The following GSAP variants were observed in gnomAD, a reference collection of about 807,000 sequenced individuals.
GSAP encodes the protein gamma-secretase activating protein, also known as gamma-secretase-activating protein.
In GSAP, 118 loss-of-function variants were observed where a neutral mutation model predicts 131.7. That is an observed-to-expected ratio of 0.90 (90% confidence interval 0.77 to 1.04). GSAP has a LOEUF of 1.04. Ranked by LOEUF, GSAP falls within the 50% of genes least tolerant of loss-of-function variation. GSAP has a pLI of 0.00. For missense variants in GSAP, 1,019 were observed against 1,013.2 expected, an observed-to-expected ratio of 1.01 and a Z score of -0.08; for synonymous variants, 381 against 363.4, an observed-to-expected ratio of 1.05 and a Z score of -0.55.
intron 19 of GSAP, among the ~76,000 whole-genome samples, chr7:77,348,966 GC>G (rs1792334853): frequency 6.6e-6 from 1 of 152,220 alleles, no homozygotes; most frequent in Non-Finnish European, 1.5e-5. Context: ...ACGTGCACGT[GC>G]GCAAGCTCAT....
At chr7:77,351,440 T>C (rs972906741) in intron 18 of GSAP, 62 of 975,628 alleles carry the variant, frequency 6.4e-5, no homozygotes, top group Non-Finnish European at 7.2e-5. Context: ...ATTAAGAACA[T>C]TTGCAGATAA....
chr7:77,315,217 T>G (rs1358887241), intron 26 of GSAP: 1 of 152,166 alleles, frequency 6.6e-6, no homozygotes, highest in Non-Finnish European at 1.5e-5. Flanking sequence ...CAGATGCAAT[T>G]CCTATCAGTG....
intron 14 of GSAP, among the ~76,000 whole-genome samples, chr7:77,358,006 A>G (rs1794004861): frequency 6.6e-6 from 1 of 152,222 alleles, no homozygotes. Flanking sequence ...ATAAACATAT[A>G]CAATTACTAT....
chr7:77,356,112 T>C (rs1793685088), intron 14 of GSAP, among the ~76,000 whole-genome samples: 1 of 151,984 alleles, frequency 6.6e-6, no homozygotes, highest in Non-Finnish European at 1.5e-5. Flanking sequence ...GCTTGAGCAA[T>C]CCTCCTGCCT....
intron 1 of GSAP, among the ~76,000 whole-genome samples, chr7:77,410,319 A>C (rs999120548): frequency 6.6e-6 from 1 of 152,212 alleles, no homozygotes; most frequent in Non-Finnish European, 1.5e-5. Context: ...GTCTCACCAC[A>C]TACTATTAAG....
intron 12 of GSAP, among the ~76,000 whole-genome samples, chr7:77,365,423 T>G (rs558623305): frequency 6.6e-6 from 1 of 152,266 alleles, no homozygotes; most frequent in African/African-American, 2.4e-5. Flanking sequence ...TGTCTGTTGT[T>G]CCCTTGTGTT....
At chr7:77,416,538 C>T (rs1804504072), upstream of GSAP, 6 of 393,996 alleles carry the variant, frequency 1.5e-5, no homozygotes, top group Non-Finnish European at 2.7e-5. Flanking sequence ...GAGCCGGGCA[C>T]GGCGGGTAGC....
In GSAP at chr7:77,311,851, G is replaced by C; in HGVS notation, c.2463C>G (p.Ser821=). The C allele has an allele frequency of 6.7e-7, 1 of 1,500,968 alleles. No homozygotes were observed. Among genetic ancestry groups the C allele is most frequent in the Non-Finnish European group, 9.3e-7 (1 of 1,076,894 alleles). The allele number at this position is 1,500,968 out of a possible 1,614,324, so 93.0% of individuals were successfully genotyped here. ...YFIEILTDIE[S]SNQALYPFEG... ...AGGGGAGTAAATTACCTTGATTGGAGGACTCTATATCTGTCAGAATTTCAA... is the reference window on the plus strand; with the variant it reads ...AGGGGAGTAAATTACCTTGATTGGACGACTCTATATCTGTCAGAATTTCAA... Residue 821 remains serine, a synonymous_variant, in exon 30 of 31, where the codon TCC becomes TCG. Transcript: ENST00000257626.
At chr7:77,391,612 C>T (rs1167028401) in intron 5 of GSAP, among the ~76,000 whole-genome samples, 1 of 151,960 alleles carries the variant, frequency 6.6e-6, no homozygotes, top group African/African-American at 2.4e-5. Context: ...TCATTTGAGG[C>T]CAGGAATTTG....
chr7:77,374,219 G>T, intron 11 of GSAP, 64 bp from the exon 12 acceptor site: 2 of 796,260 alleles, frequency 2.5e-6, no homozygotes, highest in Non-Finnish European at 4.3e-6. Context: ...CATAAAGGAT[G>T]TGAGTAACCA....
At chr7:77,372,780 TA>T (rs1230845561) in intron 12 of GSAP, among the ~76,000 whole-genome samples, 5 of 152,236 alleles carry the variant, frequency 3.3e-5, no homozygotes, top group African/African-American at 1.2e-4. Context: ...ACTCTTAGGA[TA>T]AAGTCTAAAA....
At chr7:77,346,855 A>G (rs2150804079) in intron 19 of GSAP, among the ~76,000 whole-genome samples, 2 of 134,436 alleles carry the variant, frequency 1.5e-5, no homozygotes, top group East Asian at 4.4e-4. Context: ...CTTCGGGACC[A>G]GGACTAGTCT....
chr7:77,341,812 G>A (rs985718253), intron 19 of GSAP, among the ~76,000 whole-genome samples: 1 of 152,168 alleles, frequency 6.6e-6, no homozygotes, highest in Non-Finnish European at 1.5e-5. Context: ...CAATAATAGA[G>A]TAGAGGCAGC....
chr7:77,348,979 T>A (rs971687370), intron 19 of GSAP, among the ~76,000 whole-genome samples: 4 of 152,222 alleles, frequency 2.6e-5, no homozygotes, highest in African/African-American at 4.8e-5. Flanking sequence ...CAAGCTCATT[T>A]TGAGGGAGTA....
intron 16 of GSAP, among the ~76,000 whole-genome samples, chr7:77,354,021 T>G (rs1793294545): frequency 6.6e-6 from 1 of 152,238 alleles, no homozygotes; most frequent in Non-Finnish European, 1.5e-5. Context: ...GGGTGTGAAT[T>G]CCAGCTGGGT....
At chr7:77,399,092 C>G (rs896720844) in intron 3 of GSAP, among the ~76,000 whole-genome samples, 1 of 152,146 alleles carries the variant, frequency 6.6e-6, no homozygotes, top group Admixed American at 6.5e-5. Flanking sequence ...TCCAATGAAC[C>G]TTTTACATAA....
At position 77,313,526 on chromosome 7, in the gene GSAP, C is replaced by T. The variant is rs776495477; in HGVS notation, c.2233G>A (p.Glu745Lys). The stretch of plus-strand genomic sequence containing the variant: ...ACAATGATACTGAATTTCAGTTTTT[C>T]ATTTTTCTCTGTATTATCCAGATCT... ...MKDLDNTEKN[E>K]KLKFSIIVRL... The change falls in exon 28 of 31, where the codon GAA (glutamate) becomes AAA (lysine). Residue 745 changes from glutamate to lysine, a missense_variant. Glu to Lys is a moderately conservative substitution (Grantham distance 56, BLOSUM62 1). Transcript: ENST00000257626. 6.4e-7 allele frequency: 1 copy of T among 1,556,142 alleles called. No individual in the cohort carries two copies. The highest frequency in any genetic ancestry group is 8.9e-7 in the Non-Finnish European group (1 of 1,128,800).
At chr7:77,374,243 C>A in intron 11 of GSAP, 88 bp from the exon 12 acceptor site, 2 of 636,684 alleles carry the variant, frequency 3.1e-6, no homozygotes, top group East Asian at 2.9e-5. Flanking sequence ...AATAATATAC[C>A]CACAGAAGTA....
chr7:77,368,146 GGGTGGT>G (rs1305729360), intron 12 of GSAP, among the ~76,000 whole-genome samples: 1 of 152,120 alleles, frequency 6.6e-6, no homozygotes, highest in African/African-American at 2.4e-5. Context: ...CCACTTCCCT[GGGTGGT>G]GGAAGTTCCC....
Sources: gnomAD v4.1 joint callset for allele counts (sites outside exome capture counted in the v4.1 genomes callset) on GRCh38, gnomAD v4.1.1 for gene constraint, MANE v1.5 for transcripts, NCBI Gene and HGNC (gene_info 2026-07-23, HGNC 2026-07-21) for gene names.